DNAJC16: variants seen among roughly 807,000 people sequenced by gnomAD.
The protein encoded by DNAJC16 is DnaJ heat shock protein family (Hsp40) member C16, also known as dnaJ homolog subfamily C member 16.
In DNAJC16, 76 loss-of-function variants were observed where a neutral mutation model predicts 92.7. The ratio of observed to expected loss-of-function variants is 0.82; its 90% CI spans 0.68 to 0.99. DNAJC16 has a LOEUF of 0.99. Ranked by LOEUF, DNAJC16 falls within the 50% of genes least tolerant of loss-of-function variation. The probability of loss-of-function intolerance (pLI) is 0.00; values close to 1 mark genes in which losing one functional copy is unlikely to be tolerated. For missense variants in DNAJC16, 869 were observed against 942.4 expected (o/e 0.92, Z 1.02); for synonymous variants, 328 against 358.7 (o/e 0.91, Z 0.97).
At chr1:15,536,844 T>C in intron 4 of DNAJC16, 30 bp downstream of exon 4, 1 of 1,560,922 alleles carries the variant, frequency 6.4e-7, no homozygotes, top group Non-Finnish European at 8.6e-7. Flanking sequence ...TGAAAGATAT[T>C]TATATAGATG....
chr1:15,545,715 G>T (rs1172215149), intron 5 of DNAJC16, among the ~76,000 whole-genome samples: 2 of 152,210 alleles, frequency 1.3e-5, no homozygotes, highest in African/African-American at 4.8e-5. Flanking sequence ...GCACCTTCAC[G>T]CTCCTTTAAG....
rs1424505168 is a variant in DNAJC16, at chr1:15,559,499, T to C, written c.1024-27T>C. ...TTTGCATTGAGAACACTGCATAAAATCTAGCTGATTCTTGGTTTTTCTCTA... is the reference window on the plus strand; with the variant it reads ...TTTGCATTGAGAACACTGCATAAAACCTAGCTGATTCTTGGTTTTTCTCTA... On this transcript the variant is annotated intron_variant, in intron 7 of 14. Transcript: ENST00000375847. 2.5e-6 allele frequency: 4 copies of C among 1,613,322 alleles called. No individual in the cohort carries two copies. The East Asian group carries it at 8.9e-5, about 36-fold the overall frequency.
chr1:15,558,069 C>T (rs1638606619), intron 7 of DNAJC16, among the ~76,000 whole-genome samples: 1 of 151,616 alleles, frequency 6.6e-6, no homozygotes, highest in African/African-American at 2.4e-5. Context: ...CAGGGTTTCA[C>T]TATGTTGCAC....
chr1:15,534,150 CTG>C, intron 2 of DNAJC16, 85 bp from the exon 3 acceptor site: 3 of 1,358,224 alleles, frequency 2.2e-6, no homozygotes, highest in Non-Finnish European at 3.1e-6. Flanking sequence ...CCGTCTGCCT[CTG>C]TAGTGAACTC....
intron 4 of DNAJC16, among the ~76,000 whole-genome samples, chr1:15,539,608 A>G (rs1710884030): frequency 6.6e-6 from 1 of 151,418 alleles, no homozygotes; most frequent in East Asian, 1.9e-4. Context: ...GTAATAGCAT[A>G]ATCATGGCTC....
At chr1:15,535,094 G>A (rs569632768) in intron 3 of DNAJC16, among the ~76,000 whole-genome samples, 31 of 152,306 alleles carry the variant, frequency 2.0e-4, no homozygotes, top group African/African-American at 6.7e-4. Context: ...AGAATAACAC[G>A]TCATCATTCT....
chr1:15,548,308 A>G lies in DNAJC16; in HGVS notation c.903A>G (p.Gly301=), dbSNP rs760737339. The part of the protein sequence containing the change: ...AFAYKDYLSF[G]YVYVGLRGTE... ...CATACAAAGATTATTTATCATTTGG[A>G]TATGTATATGTGGGTTTGAGAGGGA... Residue 301 remains glycine (G), a synonymous_variant, in exon 7 of 15, where the codon GGA becomes GGG. Coordinates refer to ENST00000375847, the MANE Select transcript of DNAJC16 (RefSeq NM_015291.4). 1.9e-6 allele frequency: 3 copies of G among 1,614,020 alleles called. No homozygotes were observed. Among genetic ancestry groups the G allele is most frequent in the African/African-American group, 1.3e-5 (1 of 74,924 alleles).
At chr1:15,528,445 C>A (rs12727923) in intron 1 of DNAJC16, among the ~76,000 whole-genome samples, 135 of 148,064 alleles carry the variant, frequency 9.1e-4, no homozygotes, top group Non-Finnish European at 1.7e-3. Context: ...AAAAAAAAAA[C>A]AAAAAAACAC....
At chr1:15,544,327 A>G in intron 4 of DNAJC16, 72 bp from the exon 5 acceptor site, 1 of 1,455,136 alleles carries the variant, frequency 6.9e-7, no homozygotes, top group East Asian at 2.4e-5. Flanking sequence ...CACACCAAAA[A>G]ATTACTTAGC....
intron 9 of DNAJC16, 123 bp downstream of exon 9, chr1:15,562,448 T>C (rs1356917822): frequency 8.4e-6 from 9 of 1,073,820 alleles, no homozygotes; most frequent in Non-Finnish European, 1.0e-5. Flanking sequence ...TGAAGCCTAT[T>C]TTCAAAGTCT....
chr1:15,555,663 CAG>C (rs1638552491), intron 7 of DNAJC16, among the ~76,000 whole-genome samples: 1 of 134,728 alleles, frequency 7.4e-6, no homozygotes, highest in African/African-American at 2.9e-5. Flanking sequence ...GCCTGGGCGA[CAG>C]AGTGAGACTC....
chr1:15,565,715 A>G, intron 11 of DNAJC16: 1 of 602,828 alleles, frequency 1.7e-6, no homozygotes. Context: ...AACTTTTAGA[A>G]TAAGCTGTCT....
chr1:15,561,304 G>A (rs1638686251), intron 8 of DNAJC16, among the ~76,000 whole-genome samples: 1 of 152,132 alleles, frequency 6.6e-6, no homozygotes, highest in Non-Finnish European at 1.5e-5. Context: ...AAAGGAAGCC[G>A]TTCAGAATGA....
intron 9 of DNAJC16, 48 bp downstream of exon 9, chr1:15,562,373 G>T (rs777566883): frequency 6.6e-7 from 1 of 1,516,316 alleles, no homozygotes; most frequent in African/African-American, 1.4e-5. Context: ...TAACCATGTG[G>T]CACTTGATTC....
chr1:15,536,542 A>G lies in DNAJC16; in HGVS notation c.302A>G (p.Tyr101Cys). The G allele has an allele frequency of 6.2e-7, 1 of 1,614,212 alleles. No homozygotes were observed. Among genetic ancestry groups the G allele is most frequent in the Non-Finnish European group, 8.5e-7 (1 of 1,180,032 alleles). The change falls in exon 4 of 15, where the codon TAC becomes TGC. Residue 101 changes from tyrosine (Y) to cysteine (C), a missense_variant. By Grantham distance (194) the Tyr-to-Cys change is radical. Coordinates refer to ENST00000375847, the MANE Select transcript of DNAJC16 (RefSeq NM_015291.4). ...QYGDAGENQG[Y>C]QKQQQQREYR... ...GGAGACGCTGGAGAGAACCAGGGCT[A>G]CCAGAAGCAGCAACAGCAGCGAGAG...
intron 8 of DNAJC16, among the ~76,000 whole-genome samples, chr1:15,561,714 T>A (rs528429871): frequency 6.6e-6 from 1 of 151,846 alleles, no homozygotes; most frequent in South Asian, 2.1e-4. Context: ...CCCTGCTGCA[T>A]CAGAGATTCA....
chr1:15,545,408 A>G (rs1313952233), intron 5 of DNAJC16, among the ~76,000 whole-genome samples: 1 of 152,250 alleles, frequency 6.6e-6, no homozygotes, highest in African/African-American at 2.4e-5. Flanking sequence ...AAATGGTGAT[A>G]GATTGTCCTG....
At chr1:15,558,553 A>G (rs1181527795) in intron 7 of DNAJC16, among the ~76,000 whole-genome samples, 2 of 152,048 alleles carry the variant, frequency 1.3e-5, no homozygotes, top group African/African-American at 4.8e-5. Context: ...GCTGGTCTCT[A>G]ACTCTTGGGT....
chr1:15,549,388 T>A (rs1270580923), intron 7 of DNAJC16, among the ~76,000 whole-genome samples: 1 of 152,302 alleles, frequency 6.6e-6, no homozygotes, highest in East Asian at 1.9e-4. Context: ...GTTGAAGTCC[T>A]GAGTAGGGTA....
Sources: allele counts gnomAD v4.1 joint callset (sites outside exome capture counted in the v4.1 genomes callset), GRCh38; gene constraint gnomAD v4.1.1; transcripts MANE v1.5; gene names NCBI Gene and HGNC (gene_info 2026-07-23, HGNC 2026-07-21).